SPMIP2: variants seen among roughly 807,000 people sequenced by gnomAD.
The protein encoded by SPMIP2 is sperm microtubule inner protein 2.
chr4:158,977,180 C>T, the SPMIP2 span, among the ~76,000 whole-genome samples: 13 of 152,158 alleles, frequency 8.5e-5, no homozygotes, highest in Admixed American at 8.5e-4. Flanking sequence ...GTACCAGCTC[C>T]ACTTTGCACC....
the SPMIP2 span, among the ~76,000 whole-genome samples, chr4:158,931,018 T>G: frequency 6.6e-6 from 1 of 152,204 alleles, no homozygotes; most frequent in Non-Finnish European, 1.5e-5. Context: ...TTCCCTTGTC[T>G]CTCTCATTTA....
At chr4:158,904,771 T>C in the SPMIP2 span, 1 of 508,950 alleles carries the variant, frequency 2.0e-6, no homozygotes, top group Non-Finnish European at 3.5e-6. Context: ...AGGCCATTTG[T>C]TACCCATGAA....
At chr4:159,018,833 G>A in the SPMIP2 span, among the ~76,000 whole-genome samples, 1 of 152,290 alleles carries the variant, frequency 6.6e-6, no homozygotes, top group East Asian at 1.9e-4. Context: ...GCTCACGCCT[G>A]TAATCCCAGC....
the SPMIP2 span, among the ~76,000 whole-genome samples, chr4:159,060,784 A>C: frequency 6.6e-6 from 1 of 152,184 alleles, no homozygotes; most frequent in Non-Finnish European, 1.5e-5. Flanking sequence ...ATAGAGTAGT[A>C]TTAAGTATAT....
At chr4:158,974,611 T>C in the SPMIP2 span, among the ~76,000 whole-genome samples, 1 of 152,222 alleles carries the variant, frequency 6.6e-6, no homozygotes, top group Non-Finnish European at 1.5e-5. Context: ...TCCAGCTTCA[T>C]TCATGTCCCT....
the SPMIP2 span, among the ~76,000 whole-genome samples, chr4:158,999,238 G>C: frequency 5.3e-5 from 8 of 150,680 alleles, no homozygotes; most frequent in African/African-American, 9.7e-5. Flanking sequence ...GCTTCAAAAA[G>C]AGAAAAGAAA....
chr4:158,943,353 C>A, the SPMIP2 span, among the ~76,000 whole-genome samples: 1 of 152,116 alleles, frequency 6.6e-6, no homozygotes, highest in Non-Finnish European at 1.5e-5. Flanking sequence ...TGGCTTAACT[C>A]TTTTACAGAA....
the SPMIP2 span, among the ~76,000 whole-genome samples, chr4:158,952,359 CA>C: frequency 2.6e-5 from 4 of 152,150 alleles, no homozygotes; most frequent in South Asian, 8.3e-4. Flanking sequence ...TGGTTTTCCC[CA>C]TATTGTCCTT....
chr4:158,938,338 C>T, the SPMIP2 span, among the ~76,000 whole-genome samples: 7 of 152,196 alleles, frequency 4.6e-5, no homozygotes, highest in African/African-American at 1.7e-4. Context: ...TAGGGCTCTC[C>T]TCTATAAGGG....
At chr4:158,898,248 G>C in the SPMIP2 span, among the ~76,000 whole-genome samples, 1 of 152,164 alleles carries the variant, frequency 6.6e-6, no homozygotes, top group Non-Finnish European at 1.5e-5. Flanking sequence ...TAGCCTTGTT[G>C]TATAGTTTGA....
At chr4:159,052,949 A>ATTTT in the SPMIP2 span, among the ~76,000 whole-genome samples, 18 of 97,768 alleles carry the variant, frequency 1.8e-4, no homozygotes, top group African/African-American at 6.8e-4. Context: ...TATTATTATT[A>ATTTT]TTATTATTTT....
the SPMIP2 span, among the ~76,000 whole-genome samples, chr4:158,925,874 C>A: frequency 6.0e-4 from 91 of 152,336 alleles, no homozygotes; most frequent in African/African-American, 2.1e-3. Flanking sequence ...AGGATCAAGG[C>A]ACCAGCAGAT....
At chr4:158,904,423 A>C in the SPMIP2 span, 1 of 1,467,456 alleles carries the variant, frequency 6.8e-7, no homozygotes, top group Non-Finnish European at 9.5e-7. Flanking sequence ...TCATAAAACC[A>C]TGCTCTTTTA....
At chr4:158,997,086 A>G in the SPMIP2 span, among the ~76,000 whole-genome samples, 6 of 152,202 alleles carry the variant, frequency 3.9e-5, no homozygotes, top group Non-Finnish European at 7.3e-5. Flanking sequence ...ACACAGCTAC[A>G]ATGCAACTTT....
At chr4:159,079,085 T>G in the SPMIP2 span, among the ~76,000 whole-genome samples, 1 of 152,152 alleles carries the variant, frequency 6.6e-6, no homozygotes, top group East Asian at 1.9e-4. Context: ...GCCATAGCAC[T>G]CCAACCTGGG....
At chr4:159,056,247 C>T in the SPMIP2 span, among the ~76,000 whole-genome samples, 1 of 152,200 alleles carries the variant, frequency 6.6e-6, no homozygotes, top group Admixed American at 6.5e-5. Context: ...CATGCAAACA[C>T]TGTTTCTTTG....
chr4:158,989,835 A>G, the SPMIP2 span, among the ~76,000 whole-genome samples: 3 of 152,220 alleles, frequency 2.0e-5, no homozygotes, highest in African/African-American at 7.2e-5. Context: ...AGACTTCATG[A>G]CTAAAACACC....
the SPMIP2 span, among the ~76,000 whole-genome samples, chr4:158,963,268 C>A: frequency 0.017 from 2,297 of 138,066 alleles, 37 homozygotes; most frequent in Middle Eastern, 0.049. Flanking sequence ...TTACTGTTAT[C>A]CTGTAGTAGG....
chr4:158,952,459 A>T, the SPMIP2 span, among the ~76,000 whole-genome samples: 1 of 152,292 alleles, frequency 6.6e-6, no homozygotes, highest in South Asian at 2.1e-4. Flanking sequence ...CCATATAAGG[A>T]GACTTCCCCA....
Sources: allele counts gnomAD v4.1 joint callset (sites outside exome capture counted in the v4.1 genomes callset), GRCh38; gene constraint gnomAD v4.1.1; transcripts MANE v1.5; gene names NCBI Gene and HGNC (gene_info 2026-07-23, HGNC 2026-07-21).